TBCA: variants seen among roughly 807,000 people sequenced by gnomAD.
TBCA encodes tubulin-specific chaperone A.
A neutral mutation model predicts 15.8 loss-of-function variants in TBCA; 6 were observed. That is an observed-to-expected ratio of 0.38 (90% CI 0.21 to 0.75). The LOEUF (loss-of-function observed/expected upper bound fraction) is 0.75. Among genes scored for constraint, TBCA ranks in the 30% least tolerant of loss-of-function variants. The pLI is 0.46. For missense variants in TBCA, 90 were observed against 131.2 expected, an observed-to-expected ratio of 0.69 and a Z score of 1.53; for synonymous variants, 32 against 42.3, an observed-to-expected ratio of 0.76 and a Z score of 0.94.
At chr5:77,739,368 C>A (rs150861805) in intron 1 of TBCA, among the ~76,000 whole-genome samples, 2 of 152,128 alleles carry the variant, frequency 1.3e-5, no homozygotes, top group East Asian at 3.9e-4. Flanking sequence ...GGCTGAGGCA[C>A]GAGCGTCGCT....
intron 1 of TBCA, 111 bp downstream of exon 1, chr5:77,776,094 C>CT: frequency 7.3e-7 from 1 of 1,377,880 alleles, no homozygotes; most frequent in Non-Finnish European, 1.0e-6. Flanking sequence ...CGGGTGCGGC[C>CT]TGGAGTTCGG....
At chr5:77,771,664 T>C (rs1747918502) in intron 1 of TBCA, among the ~76,000 whole-genome samples, 1 of 152,226 alleles carries the variant, frequency 6.6e-6, no homozygotes, top group African/African-American at 2.4e-5. Context: ...CTTGCACGCA[T>C]GGCTGGATCT....
At chr5:77,720,241 A>C (rs548472881) in intron 1 of TBCA, among the ~76,000 whole-genome samples, 1 of 152,262 alleles carries the variant, frequency 6.6e-6, no homozygotes, top group South Asian at 2.1e-4. Context: ...GAAAAACAGA[A>C]GGAAACACAG....
intron 1 of TBCA, among the ~76,000 whole-genome samples, chr5:77,732,697 CTAT>C (rs1222095726): frequency 6.6e-6 from 1 of 151,978 alleles, no homozygotes; most frequent in African/African-American, 2.4e-5. Context: ...ACCTTGTTCA[CTAT>C]TATTATATAT....
At chr5:77,776,154 C>G in intron 1 of TBCA, 51 bp downstream of exon 1, 1 of 1,547,190 alleles carries the variant, frequency 6.5e-7, no homozygotes. Context: ...CCTCGCGGGC[C>G]GCCATGAGGT....
intron 1 of TBCA, among the ~76,000 whole-genome samples, chr5:77,775,782 A>C (rs1011161756): frequency 6.6e-6 from 1 of 152,140 alleles, no homozygotes; most frequent in Non-Finnish European, 1.5e-5. Context: ...TAAACTTCAG[A>C]GCCTGCTTTC....
At chr5:77,710,050 T>C (rs1349359983) in intron 1 of TBCA, among the ~76,000 whole-genome samples, 5 of 152,164 alleles carry the variant, frequency 3.3e-5, no homozygotes, top group African/African-American at 1.2e-4. Context: ...AAGGTTTCTT[T>C]TGGGGGTAAG....
intron 1 of TBCA, among the ~76,000 whole-genome samples, chr5:77,722,990 T>A (rs903785218): frequency 1.3e-5 from 2 of 151,832 alleles, no homozygotes; most frequent in Non-Finnish European, 3.0e-5. Context: ...AATTCTACTT[T>A]AAATTTTTTT....
At chr5:77,693,207 C>T (rs574865723) in intron 3 of TBCA, 59 bp downstream of exon 3, 13 of 1,589,656 alleles carry the variant, frequency 8.2e-6, no homozygotes, top group Admixed American at 1.7e-5. Flanking sequence ...AAACTTTTGG[C>T]TTTCCATGTA....
At chr5:77,733,790 T>C (rs1746831947) in intron 1 of TBCA, among the ~76,000 whole-genome samples, 1 of 152,218 alleles carries the variant, frequency 6.6e-6, no homozygotes, top group Non-Finnish European at 1.5e-5. Context: ...TTTTTCAACA[T>C]GAACGAAACA....
chr5:77,725,618 C>T (rs900574863), intron 1 of TBCA, among the ~76,000 whole-genome samples: 3 of 152,196 alleles, frequency 2.0e-5, no homozygotes, highest in African/African-American at 7.2e-5. Flanking sequence ...ACATCAGCCG[C>T]GTATGCCTCA....
intron 1 of TBCA, among the ~76,000 whole-genome samples, chr5:77,731,439 G>A (rs1049993256): frequency 6.6e-6 from 1 of 152,170 alleles, no homozygotes; most frequent in Non-Finnish European, 1.5e-5. Flanking sequence ...AAATTAAATT[G>A]TCTAATACCT....
intron 1 of TBCA, among the ~76,000 whole-genome samples, chr5:77,738,014 G>GA (rs910321023): frequency 6.6e-6 from 1 of 152,148 alleles, no homozygotes; most frequent in African/African-American, 2.4e-5. Context: ...TTACCAACAA[G>GA]AAAACCCCAT....
chr5:77,764,724 CAAT>C (rs1335944145), intron 1 of TBCA, among the ~76,000 whole-genome samples: 1 of 152,012 alleles, frequency 6.6e-6, no homozygotes, highest in Non-Finnish European at 1.5e-5. Flanking sequence ...CTTTATTCAC[CAAT>C]AATATAGAGT....
chr5:77,772,541 A>G (rs1220458414), intron 1 of TBCA, among the ~76,000 whole-genome samples: 1 of 152,156 alleles, frequency 6.6e-6, no homozygotes, highest in African/African-American at 2.4e-5. Context: ...TCATAGCAAA[A>G]TAATTTTCAG....
chr5:77,739,193 G>C (rs566870315), intron 1 of TBCA, among the ~76,000 whole-genome samples: 1 of 152,236 alleles, frequency 6.6e-6, no homozygotes, highest in Non-Finnish European at 1.5e-5. Context: ...GGGCACAGTG[G>C]CTCATGCCTG....
At chr5:77,731,349 T>A (rs1746763791) in intron 1 of TBCA, among the ~76,000 whole-genome samples, 1 of 152,210 alleles carries the variant, frequency 6.6e-6, no homozygotes, top group East Asian at 1.9e-4. Flanking sequence ...TGGTTCAAAG[T>A]TACTTAACCT....
At chr5:77,709,789 A>G (rs975530640) in intron 1 of TBCA, among the ~76,000 whole-genome samples, 1 of 152,344 alleles carries the variant, frequency 6.6e-6, no homozygotes, top group South Asian at 2.1e-4. Flanking sequence ...TAATCAATGG[A>G]AAATGTGGTA....
At chr5:77,741,731 T>C (rs1306117911) in intron 1 of TBCA, among the ~76,000 whole-genome samples, 3 of 152,066 alleles carry the variant, frequency 2.0e-5, no homozygotes, top group Middle Eastern at 3.2e-3. Context: ...ATTTACCAAG[T>C]CCAACAATAA....
Sources: allele counts gnomAD v4.1 joint callset (sites outside exome capture counted in the v4.1 genomes callset), GRCh38; gene constraint gnomAD v4.1.1; transcripts MANE v1.5; gene names NCBI Gene and HGNC (gene_info 2026-07-23, HGNC 2026-07-21).